Variants in WDFY4 observed in about 807,000 individuals in gnomAD.
WDFY4 encodes the protein WDFY family member 4, also known as WD repeat- and FYVE domain-containing protein 4.
A neutral mutation model predicts 351.9 loss-of-function variants in WDFY4; 169 were observed. The ratio of observed to expected loss-of-function variants is 0.48; its 90% CI spans 0.42 to 0.55. The LOEUF is 0.55. WDFY4 is among the 20% of genes least tolerant of loss of function. WDFY4 has a pLI of 0.00. For synonymous variants in WDFY4, 1,622 were observed against 1,574.6 expected, an observed-to-expected ratio of 1.03 and a Z score of -0.71; for missense variants, 3,803 against 3,935.6, an observed-to-expected ratio of 0.97 and a Z score of 0.90.
intron 23 of WDFY4, among the ~76,000 whole-genome samples, chr10:48,794,361 A>G (rs1199837508): frequency 1.3e-5 from 2 of 152,060 alleles, no homozygotes; most frequent in Non-Finnish European, 2.9e-5. Context: ...AGGGCGGTCC[A>G]GCAGGCCGCC....
chr10:48,721,516 A>T (rs1266854563), intron 4 of WDFY4, 149 bp downstream of exon 4: 1 of 741,822 alleles, frequency 1.3e-6, no homozygotes, highest in Admixed American at 2.4e-5. Flanking sequence ...CTTCTGGTGT[A>T]GAACATGGAC....
At chr10:48,781,418 T>A (rs184811184) in intron 19 of WDFY4, among the ~76,000 whole-genome samples, 6 of 152,230 alleles carry the variant, frequency 3.9e-5, no homozygotes, top group African/African-American at 1.4e-4. Flanking sequence ...TTTCTCAACC[T>A]CCTGACTAGG....
At chr10:48,960,802 A>G (rs1324782662) in intron 53 of WDFY4, among the ~76,000 whole-genome samples, 2 of 152,236 alleles carry the variant, frequency 1.3e-5, no homozygotes, top group Non-Finnish European at 2.9e-5. Flanking sequence ...GCATTATCCT[A>G]CATGAAAGAA....
intron 40 of WDFY4, among the ~76,000 whole-genome samples, chr10:48,871,232 G>A (rs895324300): frequency 2.0e-5 from 3 of 152,164 alleles, no homozygotes; most frequent in South Asian, 2.1e-4. Flanking sequence ...ACTGTGCCTG[G>A]CCGGATATGT....
chr10:48,943,297 T>C (rs1270108081), intron 48 of WDFY4, 33 bp from the exon 49 acceptor site: 2 of 1,550,018 alleles, frequency 1.3e-6, no homozygotes, highest in Non-Finnish European at 8.7e-7. Flanking sequence ...ATCAAACGTA[T>C]TTGGTTTATC....
At chr10:48,838,553 C>T (rs1012271358) in intron 39 of WDFY4, among the ~76,000 whole-genome samples, 1 of 152,014 alleles carries the variant, frequency 6.6e-6, no homozygotes, top group African/African-American at 2.4e-5. Context: ...AGCACTTCAC[C>T]CATTATCTTT....
chr10:48,806,334 T>A (rs900808528), intron 27 of WDFY4, among the ~76,000 whole-genome samples: 3 of 152,172 alleles, frequency 2.0e-5, no homozygotes, highest in African/African-American at 2.4e-5. Context: ...CAGAATAAAA[T>A]CAGTTCCCTG....
intron 19 of WDFY4, 28 bp from the exon 20 acceptor site, chr10:48,786,611 C>A: frequency 6.6e-7 from 1 of 1,515,354 alleles, no homozygotes; most frequent in Non-Finnish European, 8.9e-7. Flanking sequence ...TCAAACACTA[C>A]TCACTCTTGT....
chr10:48,691,724 T>A (rs2063201662), intron 1 of WDFY4, among the ~76,000 whole-genome samples: 1 of 152,270 alleles, frequency 6.6e-6, no homozygotes, highest in African/African-American at 2.4e-5. Context: ...TAATATCGAC[T>A]TTTAAAAGGA....
At chr10:48,906,413 A>G (rs1412101642) in intron 47 of WDFY4, among the ~76,000 whole-genome samples, 1 of 152,224 alleles carries the variant, frequency 6.6e-6, no homozygotes, top group Non-Finnish European at 1.5e-5. Context: ...AATTCCAAGT[A>G]GAAAATACTT....
Position 48,978,295 on chromosome 10 carries a change from C to A in WDFY4, c.9292-14C>A. ...TCGTCTTCCCCGCCGATGACATTTG[C>A]TCTTTTGGGGCAGGTTTGGAAGACT... is the stretch of plus-strand genomic sequence containing the variant. On this transcript the variant is annotated splice_polypyrimidine_tract_variant and intron_variant, in intron 59 of 61. Transcript: ENST00000325239. The A allele has an allele frequency of 1.3e-6, 2 of 1,550,390 alleles. No homozygotes were observed. The highest frequency in any genetic ancestry group is 2.4e-5 in the South Asian group (2 of 83,888).
chr10:48,711,964 C>A lies in WDFY4; in HGVS notation c.234+1998C>A, dbSNP rs970770436. Among the ~76,000 whole-genome samples, 3 of 152,356 alleles carry A rather than the reference C, an allele frequency of 2.0e-5. No homozygotes were observed. In the East Asian group the frequency reaches 5.8e-4, roughly 29 times the overall value. On this transcript the variant is annotated intron_variant, in intron 2 of 61. Transcript: ENST00000325239. ...GCTCACTCCAACATCTTTCACCCAA[C>A]CCATATTACTAATGAATGTTATGTC...
chr10:48,827,308 A>C (rs928561331), intron 36 of WDFY4, among the ~76,000 whole-genome samples: 1 of 151,956 alleles, frequency 6.6e-6, no homozygotes, highest in Non-Finnish European at 1.5e-5. Context: ...CAATGCAGGA[A>C]TAATTTTGCT....
intron 1 of WDFY4, among the ~76,000 whole-genome samples, chr10:48,693,229 T>C (rs1183440063): frequency 6.6e-6 from 1 of 152,080 alleles, no homozygotes; most frequent in Non-Finnish European, 1.5e-5. Context: ...GGGAGGGACA[T>C]GCTGGAGTTG....
At chr10:48,971,495 CAA>C (rs564785820) in intron 57 of WDFY4, among the ~76,000 whole-genome samples, 3 of 124,496 alleles carry the variant, frequency 2.4e-5, no homozygotes, top group Non-Finnish European at 3.5e-5. Flanking sequence ...GACTCTGTCT[CAA>C]AAAAAAAAAA....
intron 51 of WDFY4, among the ~76,000 whole-genome samples, chr10:48,948,039 C>T (rs966308033): frequency 4.6e-5 from 7 of 152,120 alleles, no homozygotes; most frequent in African/African-American, 1.7e-4. Context: ...GACCTTGACC[C>T]TGAGAGACCA....
intron 2 of WDFY4, among the ~76,000 whole-genome samples, chr10:48,713,581 A>G (rs1382021594): frequency 6.6e-6 from 1 of 152,188 alleles, no homozygotes; most frequent in East Asian, 1.9e-4. Flanking sequence ...TCTAGGTAAT[A>G]AGGAAGAGCC....
chr10:48,791,767 G>T (rs12267050), intron 23 of WDFY4, among the ~76,000 whole-genome samples: 7,586 of 152,250 alleles, frequency 0.05, 241 homozygotes, highest in Middle Eastern at 0.082. Flanking sequence ...TGTGGGGGCT[G>T]CTGGGTGATT....
At position 48,970,151 on chromosome 10, in the gene WDFY4, C is replaced by T. The variant is rs543252131; in HGVS notation, c.8790C>T (p.Asn2930=). ...GSDKVLMTFE[N]LAAWGRCLCA... The stretch of plus-strand genomic sequence containing the variant: ...TACAGGTCCTGATGACATTCGAGAA[C>T]CTGGCTGCCTGGGGCCGCTGTCTGT... Residue 2930 remains asparagine (N), a synonymous_variant, in exon 57 of 62, where the codon AAC becomes AAT. Transcript: ENST00000325239. 3.9e-6 allele frequency: 6 copies of T among 1,551,684 alleles called. No individual in the cohort carries two copies. The East Asian group carries it at 1.5e-4, about 38-fold the overall frequency.
Sources: gnomAD v4.1 joint callset for allele counts (sites outside exome capture counted in the v4.1 genomes callset) on GRCh38, gnomAD v4.1.1 for gene constraint, MANE v1.5 for transcripts, NCBI Gene and HGNC (gene_info 2026-07-23, HGNC 2026-07-21) for gene names.